The following GALNT17 variants were observed in gnomAD, a reference collection of about 807,000 sequenced individuals.
GALNT17 encodes the protein polypeptide N-acetylgalactosaminyltransferase 17, also known as UDP-GalNAc:polypeptide N-acetylgalactosaminyltransferase-like 3.
In GALNT17, 29 loss-of-function variants were observed where a neutral mutation model predicts 63.7. The ratio of observed to expected loss-of-function variants is 0.46; its 90% CI spans 0.34 to 0.62. The LOEUF (loss-of-function observed/expected upper bound fraction) is 0.62. Among genes scored for constraint, GALNT17 ranks in the 20% least tolerant of loss-of-function variants. GALNT17 has a pLI of 0.01. For missense variants in GALNT17, 603 were observed against 799.6 expected, an observed-to-expected ratio of 0.75 and a Z score of 2.97; for synonymous variants, 305 against 318.3, an observed-to-expected ratio of 0.96 and a Z score of 0.45.
In GALNT17 at chr7:71,216,192, G is replaced by A. The variant is rs904636359; in HGVS notation, c.238+83152G>A. ...AGATCGCACCATTGCACTTCAGCAT[G>A]GGCAACAGAGCAAGACCCTGTCACA... On this transcript the variant is annotated intron_variant, in intron 1 of 10. Transcript: ENST00000333538. 3.9e-5 allele frequency among the ~76,000 whole-genome samples: 6 copies of A among 152,192 alleles called. No homozygotes were observed. The East Asian group carries it at 1.2e-3, about 29-fold the overall frequency.
intron 5 of GALNT17, among the ~76,000 whole-genome samples, chr7:71,439,970 G>C (rs1787036332): frequency 7.9e-6 from 1 of 126,776 alleles, no homozygotes. Flanking sequence ...TTTTGAGACA[G>C]AATTTCACTC....
chr7:71,526,997 C>A (rs1788635543), intron 5 of GALNT17, among the ~76,000 whole-genome samples: 1 of 152,196 alleles, frequency 6.6e-6, no homozygotes, highest in Non-Finnish European at 1.5e-5. Flanking sequence ...AATTCTATAT[C>A]TCTATCACTT....
intron 5 of GALNT17, among the ~76,000 whole-genome samples, chr7:71,560,475 A>G (rs1310484946): frequency 6.6e-6 from 1 of 152,180 alleles, no homozygotes; most frequent in African/African-American, 2.4e-5. Flanking sequence ...GCATGGGAGT[A>G]TCCTCCAAAG....
chr7:71,555,148 C>T lies in GALNT17; in HGVS notation c.963-16137C>T, dbSNP rs746044686. Among the ~76,000 whole-genome samples, 4 of 152,240 alleles carry T rather than the reference C, an allele frequency of 2.6e-5. No homozygotes were observed. In the East Asian group the frequency reaches 7.7e-4, roughly 29 times the overall value. Reference sequence around the variant, plus strand: ...TCATTACCACAGGGAAGGCACCAAACCATTCATGAGGGGTCTGCCCTCATG... The same window carrying T: ...TCATTACCACAGGGAAGGCACCAAATCATTCATGAGGGGTCTGCCCTCATG... On this transcript the variant is annotated intron_variant, in intron 5 of 10. Coordinates refer to ENST00000333538, the MANE Select transcript of GALNT17 (RefSeq NM_022479.3).
At chr7:71,435,897 G>A (rs754860796) in intron 5 of GALNT17, among the ~76,000 whole-genome samples, 7 of 152,004 alleles carry the variant, frequency 4.6e-5, no homozygotes, top group African/African-American at 9.7e-5. Flanking sequence ...GCGGACGCCT[G>A]TAGTCCCACC....
chr7:71,674,810 C>T (rs950050488), intron 8 of GALNT17, among the ~76,000 whole-genome samples: 4 of 152,208 alleles, frequency 2.6e-5, no homozygotes, highest in African/African-American at 7.2e-5. Context: ...AGCCACCGCA[C>T]CCAGCCCACA....
chr7:71,192,476 G>T (rs999041505), intron 1 of GALNT17, among the ~76,000 whole-genome samples: 1 of 151,244 alleles, frequency 6.6e-6, no homozygotes, highest in Non-Finnish European at 1.5e-5. Flanking sequence ...GCTCACTGCA[G>T]CCTCTGCCTC....
At chr7:71,507,015 G>A (rs1788280408) in intron 5 of GALNT17, among the ~76,000 whole-genome samples, 2 of 152,202 alleles carry the variant, frequency 1.3e-5, no homozygotes, top group South Asian at 2.1e-4. Flanking sequence ...TGGGACGATC[G>A]CTTGAGGCCA....
At chr7:71,243,579 TTTTCTTATTG>T (rs1477229455) in intron 1 of GALNT17, among the ~76,000 whole-genome samples, 1 of 152,138 alleles carries the variant, frequency 6.6e-6, no homozygotes, top group Non-Finnish European at 1.5e-5. Context: ...TTGTCTTTTC[TTTTCTTATTG>T]AGATGGGGTC....
intron 1 of GALNT17, among the ~76,000 whole-genome samples, chr7:71,146,168 T>C (rs1180513718): frequency 2.0e-5 from 3 of 151,980 alleles, no homozygotes; most frequent in Non-Finnish European, 4.4e-5. Flanking sequence ...TCCTCTCAGC[T>C]CCCCACGCCC....
chr7:71,234,177 C>T (rs2116452246), intron 1 of GALNT17, among the ~76,000 whole-genome samples: 1 of 152,308 alleles, frequency 6.6e-6, no homozygotes, highest in South Asian at 2.1e-4. Context: ...AACCAGGCTA[C>T]AATCGGAGAG....
chr7:71,700,656 A>G (rs17143889), intron 9 of GALNT17, among the ~76,000 whole-genome samples: 375 of 152,224 alleles, frequency 2.5e-3, no homozygotes, highest in African/African-American at 8.5e-3. Context: ...CAGCTGCTCC[A>G]TATTCCTGGT....
At chr7:71,700,135 TACA>T (rs761207910) in intron 9 of GALNT17, among the ~76,000 whole-genome samples, 9 of 151,250 alleles carry the variant, frequency 6.0e-5, no homozygotes, top group Non-Finnish European at 8.8e-5. Context: ...CTACTAAAAA[TACA>T]ACAACAACAA....
chr7:71,467,034 A>T (rs1787547265), intron 5 of GALNT17, among the ~76,000 whole-genome samples: 1 of 151,934 alleles, frequency 6.6e-6, no homozygotes, highest in Non-Finnish European at 1.5e-5. Flanking sequence ...TGATTAAGAC[A>T]TGTCTTGGGT....
chr7:71,431,259 T>C (rs1786861008), intron 5 of GALNT17, among the ~76,000 whole-genome samples: 1 of 143,898 alleles, frequency 6.9e-6, no homozygotes, highest in South Asian at 2.3e-4. Flanking sequence ...TCACCCAGGC[T>C]GGGTGTAGTG....
intron 1 of GALNT17, among the ~76,000 whole-genome samples, chr7:71,275,005 G>C (rs779061309): frequency 6.6e-6 from 1 of 152,234 alleles, no homozygotes; most frequent in Non-Finnish European, 1.5e-5. Flanking sequence ...TCACCATAGT[G>C]GGGGCTGAGG....
At chr7:71,592,017 G>A (rs1789809932) in intron 6 of GALNT17, among the ~76,000 whole-genome samples, 1 of 152,194 alleles carries the variant, frequency 6.6e-6, no homozygotes, top group African/African-American at 2.4e-5. Context: ...GGGCGCAGAT[G>A]GAGCTGTCCG....
At chr7:71,662,588 A>G (rs983024737) in intron 6 of GALNT17, among the ~76,000 whole-genome samples, 2 of 152,032 alleles carry the variant, frequency 1.3e-5, no homozygotes, top group Non-Finnish European at 2.9e-5. Context: ...GCAACCATCA[A>G]TTTATTTACC....
Position 71,497,018 on chromosome 7 carries a change from C to T in GALNT17, c.963-74267C>T, listed in dbSNP as rs181411121. Among the ~76,000 whole-genome samples the T allele has an allele frequency of 3.6e-4, 55 of 152,246 alleles. 6 individuals carry two copies. Among genetic ancestry groups the T allele is most frequent in the East Asian group, 3.1e-3 (16 of 5,176 alleles). On this transcript the variant is annotated intron_variant, in intron 5 of 10. Transcript: ENST00000333538. ...ACTTGAGCCCAGGACTTTGAGGCTG[C>T]AGTGAGCTATGATCAAGCCACTGGT...
Sources: allele counts gnomAD v4.1 joint callset (sites outside exome capture counted in the v4.1 genomes callset), GRCh38; gene constraint gnomAD v4.1.1; transcripts MANE v1.5; gene names NCBI Gene and HGNC (gene_info 2026-07-23, HGNC 2026-07-21).